Variants in CR1 observed in about 807,000 individuals in gnomAD.
CR1 encodes the protein complement receptor type 1.
A neutral mutation model predicts 187.3 loss-of-function variants in CR1; 116 were observed. That is an observed-to-expected ratio of 0.62 (90% CI 0.53 to 0.72). The LOEUF (loss-of-function observed/expected upper bound fraction) is 0.72. CR1 is among the 30% of genes least tolerant of loss of function. The pLI is 0.00. For synonymous variants in CR1, 576 were observed against 747.1 expected, an observed-to-expected ratio of 0.77 and a Z score of 3.73; for missense variants, 1,731 against 2,110.7, an observed-to-expected ratio of 0.82 and a Z score of 3.52.
chr1:207,634,436 C>T (rs916771076), intron 46 of CR1, among the ~76,000 whole-genome samples: 7 of 152,104 alleles, frequency 4.6e-5, no homozygotes, highest in Non-Finnish European at 7.4e-5. Context: ...AGAATCTGTG[C>T]CAAGCGTTAA....
intron 1 of CR1, among the ~76,000 whole-genome samples, chr1:207,501,550 T>A (rs1257173293): frequency 1.3e-5 from 2 of 152,224 alleles, no homozygotes; most frequent in Non-Finnish European, 2.9e-5. Context: ...CTTTCTTTGT[T>A]GAAGGCTCAT....
chr1:207,519,481 G>C (rs1167547587), intron 4 of CR1, among the ~76,000 whole-genome samples: 2 of 151,754 alleles, frequency 1.3e-5, no homozygotes, highest in African/African-American at 4.8e-5. Flanking sequence ...ATTCTTAAAT[G>C]ACTACTCTAG....
At chr1:207,617,612 TAGAGAGAG>T (rs1156448710) in intron 41 of CR1, among the ~76,000 whole-genome samples, 506 of 21,658 alleles carry the variant, frequency 0.023, 4 homozygotes, top group Non-Finnish European at 0.028. Context: ...TATATATATA[TAGAGAGAG>T]AGAGAGAGAG....
At chr1:207,618,580 C>A (rs772859455) in intron 42 of CR1, among the ~76,000 whole-genome samples, 1 of 152,028 alleles carries the variant, frequency 6.6e-6, no homozygotes, top group Non-Finnish European at 1.5e-5. Context: ...GCAGGAAGAC[C>A]ACAGACCACA....
chr1:207,592,947 CACAA>C (rs1307858604), intron 35 of CR1, among the ~76,000 whole-genome samples: 1 of 151,852 alleles, frequency 6.6e-6, no homozygotes, highest in African/African-American at 2.4e-5. Flanking sequence ...TAAGCGAGGA[CACAA>C]ACAAATGAAA....
intron 29 of CR1, 22 bp from the exon 30 acceptor site, chr1:207,580,218 T>A (rs1178677097): frequency 6.2e-7 from 1 of 1,612,094 alleles, no homozygotes. Flanking sequence ...TAACAAGTAC[T>A]CTGGAACTGT....
At chr1:207,503,912 T>C (rs1317477909) in intron 1 of CR1, among the ~76,000 whole-genome samples, 2 of 152,152 alleles carry the variant, frequency 1.3e-5, no homozygotes, top group Non-Finnish European at 2.9e-5. Flanking sequence ...GTCCACTTAA[T>C]AAGGAAAGAA....
At chr1:207,579,716 G>A (rs1304109501) in intron 29 of CR1, among the ~76,000 whole-genome samples, 4 of 152,198 alleles carry the variant, frequency 2.6e-5, no homozygotes. Flanking sequence ...GAACCCTTAT[G>A]TTGCTGACTC....
At chr1:207,505,852 A>AT in intron 1 of CR1, 52 bp from the exon 2 acceptor site, 1 of 1,553,216 alleles carries the variant, frequency 6.4e-7, no homozygotes, top group South Asian at 1.2e-5. Flanking sequence ...GAAAAAAAAA[A>AT]GTATGGTAAT....
intron 46 of CR1, among the ~76,000 whole-genome samples, chr1:207,633,212 T>C (rs975587800): frequency 6.6e-6 from 1 of 152,184 alleles, no homozygotes; most frequent in Non-Finnish European, 1.5e-5. Context: ...CAAAATGATA[T>C]CTCTCTTTGA....
chr1:207,515,169 A>G (rs1659758162), intron 4 of CR1, among the ~76,000 whole-genome samples: 1 of 12,586 alleles, frequency 7.9e-5, no homozygotes, highest in South Asian at 0.012. Flanking sequence ...ATACATATAT[A>G]GGTATATACA....
chr1:207,564,837 G>T (rs1264074043), intron 23 of CR1, among the ~76,000 whole-genome samples: 1 of 150,072 alleles, frequency 6.7e-6, no homozygotes, highest in South Asian at 2.1e-4. Context: ...AAGGGAATAT[G>T]AGTAATTTAG....
At chr1:207,619,046 A>AG (rs1662231604) in intron 42 of CR1, among the ~76,000 whole-genome samples, 2 of 135,328 alleles carry the variant, frequency 1.5e-5, no homozygotes, top group Non-Finnish European at 3.3e-5. Flanking sequence ...CAAAAAAAAA[A>AG]AAAAAAAAAG....
chr1:207,609,662 G>T lies in CR1; in HGVS notation c.6269G>T (p.Gly2090Val). 3.8e-6 allele frequency: 6 copies of T among 1,591,828 alleles called. No homozygotes were observed. The highest frequency in any genetic ancestry group is 5.1e-6 in the Non-Finnish European group (6 of 1,169,416). Residue 2090 changes from glycine (G) to valine (V), a missense_variant, in exon 37 of 47, where the codon GGG becomes GTG. Coordinates refer to ENST00000367049, the MANE Select transcript of CR1 (RefSeq NM_000651.6). The part of the protein sequence containing the change: ...TVQCQTNGRW[G>V]PKLPHCSRVC... ...CAGTGCCAGACCAATGGCAGATGGG[G>T]GCCCAAGCTGCCACACTGCTCCAGG...
chr1:207,600,093 A>G (rs1661563377), intron 35 of CR1, among the ~76,000 whole-genome samples: 1 of 152,310 alleles, frequency 6.6e-6, no homozygotes, highest in African/African-American at 2.4e-5. Context: ...CAGTGGAAAA[A>G]TAGCCCTAGA....
intron 1 of CR1, among the ~76,000 whole-genome samples, chr1:207,501,863 C>A (rs1401446852): frequency 6.6e-6 from 1 of 151,620 alleles, no homozygotes; most frequent in Non-Finnish European, 1.5e-5. Flanking sequence ...CACATATCAA[C>A]TAGAGGAAAG....
At chr1:207,637,374 AT>A (rs1280897706) in intron 46 of CR1, among the ~76,000 whole-genome samples, 1 of 152,196 alleles carries the variant, frequency 6.6e-6, no homozygotes, top group Non-Finnish European at 1.5e-5. Flanking sequence ...TCACCGCACT[AT>A]TGGCCACACA....
chr1:207,612,274 C>T (rs1661957656), intron 39 of CR1, among the ~76,000 whole-genome samples: 1 of 152,178 alleles, frequency 6.6e-6, no homozygotes, highest in African/African-American at 2.4e-5. Context: ...AATACAGTCA[C>T]TGATCTTGAG....
Position 207,579,114 on chromosome 1 carries a change from TGAAC to T in CR1, c.4936+916_4936+919del, listed in dbSNP as rs1660857101. Among the ~76,000 whole-genome samples the T allele has an allele frequency of 6.6e-5, 10 of 152,372 alleles. No homozygotes were observed. The South Asian group carries it at 2.1e-3, about 32-fold the overall frequency. ...AAAATGGGTTCTGATGCCCTAAGCA[TGAAC>T]GAACAGGACTATAAATAAAGGCAGA... On this transcript the variant is annotated intron_variant, in intron 29 of 46. Coordinates refer to ENST00000367049, the MANE Select transcript of CR1 (RefSeq NM_000651.6).
Sources: gnomAD v4.1 joint callset for allele counts (sites outside exome capture counted in the v4.1 genomes callset) on GRCh38, gnomAD v4.1.1 for gene constraint, MANE v1.5 for transcripts, NCBI Gene and HGNC (gene_info 2026-07-23, HGNC 2026-07-21) for gene names.